The following SUGCT variants were observed in gnomAD, a reference collection of about 807,000 sequenced individuals.
SUGCT encodes the protein succinyl-CoA:glutarate CoA-transferase.
Under a neutral mutation model 55.0 loss-of-function variants are expected in SUGCT, and 41 were observed. The ratio of observed to expected loss-of-function variants is 0.74; its 90% CI spans 0.58 to 0.97. The LOEUF (loss-of-function observed/expected upper bound fraction) is 0.97, where lower values mean the gene tolerates loss of function less well. SUGCT is among the 50% of genes least tolerant of loss of function. The pLI is 0.00. For missense variants in SUGCT, 568 were observed against 547.8 expected (o/e 1.04, Z -0.37); for synonymous variants, 187 against 200.4 (o/e 0.93, Z 0.56).
Position 40,851,973 on chromosome 7 carries a change from A to G in SUGCT, c.1154-8343A>G, listed in dbSNP as rs115338645. Among the ~76,000 whole-genome samples, 235 of 152,376 alleles carry G rather than the reference A, an allele frequency of 1.5e-3. 1 individual carries two copies. The highest frequency in any genetic ancestry group is 5.4e-3 in the African/African-American group (226 of 41,588). On this transcript the variant is annotated intron_variant, in intron 13 of 13. Transcript: ENST00000335693. ...GAATAAATACAATTGCTGTGGAAAT[A>G]TGTCATTTTAGAATGAGGACATTTA...
At chr7:40,916,075 A>C in the SUGCT span, among the ~76,000 whole-genome samples, 11 of 52,164 alleles carry the variant, frequency 2.1e-4, no homozygotes, top group East Asian at 5.1e-3. Flanking sequence ...CTACATACAC[A>C]CACACACACA....
At chr7:40,678,712 G>A (rs1265970211) in intron 12 of SUGCT, among the ~76,000 whole-genome samples, 3 of 152,112 alleles carry the variant, frequency 2.0e-5, no homozygotes, top group Admixed American at 2.0e-4. Context: ...TGAGACATAA[G>A]GGCAAGGAAC....
the SUGCT span, among the ~76,000 whole-genome samples, chr7:40,937,855 T>A: frequency 3.9e-5 from 6 of 152,208 alleles, no homozygotes; most frequent in Admixed American, 2.6e-4. Flanking sequence ...ACCAGTCCTG[T>A]GGAAGACAAT....
rs75371340 is a variant in SUGCT at position 40,691,533 on chromosome 7, C to T, written c.1090-57901C>T. Among the ~76,000 whole-genome samples the T allele has an allele frequency of 4.0e-3, 614 of 152,172 alleles. 7 individuals carry two copies. The highest frequency in any genetic ancestry group is 0.014 in the African/African-American group (587 of 41,516). On this transcript the variant is annotated intron_variant, in intron 12 of 13. Transcript: ENST00000335693. The stretch of plus-strand genomic sequence containing the variant: ...AAACTTTTGATATATGTTAGATATA[C>T]GCTAGATATATCAAAAGTTTAATGG...
At chr7:40,655,886 T>C (rs539196061) in intron 12 of SUGCT, among the ~76,000 whole-genome samples, 2 of 152,200 alleles carry the variant, frequency 1.3e-5, no homozygotes, top group Non-Finnish European at 2.9e-5. Flanking sequence ...ACTGATGTTT[T>C]AGGTTGTAGG....
At chr7:40,173,687 G>C (rs1183369427) in intron 1 of SUGCT, among the ~76,000 whole-genome samples, 1 of 152,086 alleles carries the variant, frequency 6.6e-6, no homozygotes, top group African/African-American at 2.4e-5. Context: ...CGTGTTTAAA[G>C]GTGGGTGTGG....
intron 8 of SUGCT, among the ~76,000 whole-genome samples, chr7:40,311,917 T>C (rs1053667433): frequency 2.6e-5 from 4 of 152,186 alleles, no homozygotes; most frequent in Admixed American, 2.0e-4. Flanking sequence ...TTAAAATAAA[T>C]AAGTCTTACC....
At chr7:40,950,764 G>T in the SUGCT span, among the ~76,000 whole-genome samples, 1 of 152,164 alleles carries the variant, frequency 6.6e-6, no homozygotes, top group Non-Finnish European at 1.5e-5. Flanking sequence ...TACGTTTATT[G>T]ATTTGCGTAT....
the SUGCT span, among the ~76,000 whole-genome samples, chr7:40,902,252 A>G: frequency 1.3e-5 from 2 of 152,180 alleles, no homozygotes; most frequent in South Asian, 4.1e-4. Context: ...TGTGGCCAGA[A>G]TATGTTTATG....
intron 13 of SUGCT, among the ~76,000 whole-genome samples, chr7:40,820,751 C>T (rs1468273338): frequency 1.3e-5 from 2 of 152,142 alleles, no homozygotes; most frequent in Non-Finnish European, 2.9e-5. Flanking sequence ...ACTGAATACC[C>T]TTTATTTCTT....
At chr7:40,719,343 TCTC>T (rs1296359701) in intron 12 of SUGCT, among the ~76,000 whole-genome samples, 1 of 152,214 alleles carries the variant, frequency 6.6e-6, no homozygotes, top group East Asian at 1.9e-4. Context: ...ATTCTTTAAA[TCTC>T]CTGCTTTCCT....
chr7:40,222,675 T>C (rs1367407684), intron 6 of SUGCT, among the ~76,000 whole-genome samples: 1 of 152,126 alleles, frequency 6.6e-6, no homozygotes, highest in Non-Finnish European at 1.5e-5. Context: ...AACTCTATCT[T>C]TACTAAAAAT....
At chr7:40,390,513 C>T (rs1306995418) in intron 9 of SUGCT, among the ~76,000 whole-genome samples, 6 of 152,148 alleles carry the variant, frequency 3.9e-5, no homozygotes, top group Non-Finnish European at 5.9e-5. Context: ...AGAGCCAAAT[C>T]GTGAGTGAAC....
chr7:40,473,019 T>C (rs1583772290), intron 11 of SUGCT, among the ~76,000 whole-genome samples: 1 of 152,296 alleles, frequency 6.6e-6, no homozygotes, highest in East Asian at 1.9e-4. Context: ...CTTTCTTTGA[T>C]TTTTCTATGG....
chr7:40,238,408 A>G (rs755215169), intron 7 of SUGCT, among the ~76,000 whole-genome samples: 1 of 152,192 alleles, frequency 6.6e-6, no homozygotes, highest in Non-Finnish European at 1.5e-5. Flanking sequence ...GGGGAAAGCA[A>G]TATGAATGAC....
At chr7:40,287,998 T>C (rs977389865) in intron 8 of SUGCT, among the ~76,000 whole-genome samples, 11 of 152,214 alleles carry the variant, frequency 7.2e-5, no homozygotes, top group Non-Finnish European at 1.6e-4. Flanking sequence ...TTTTGTATAT[T>C]GAACCAATTT....
chr7:40,372,639 G>A (rs1784347738), intron 9 of SUGCT, among the ~76,000 whole-genome samples: 1 of 151,922 alleles, frequency 6.6e-6, no homozygotes, highest in Non-Finnish European at 1.5e-5. Context: ...TTATTAATAG[G>A]ATTAATCTTT....
chr7:40,814,462 A>C (rs969716152), intron 13 of SUGCT, among the ~76,000 whole-genome samples: 9 of 151,802 alleles, frequency 5.9e-5, no homozygotes, highest in African/African-American at 2.2e-4. Context: ...AGGCTCTGAA[A>C]TTCTTTCTTC....
chr7:40,267,555 A>T lies in SUGCT; in HGVS notation c.577-6958A>T, dbSNP rs116733628. 7.3e-3 allele frequency among the ~76,000 whole-genome samples: 1,115 copies of T among 152,250 alleles called. 12 individuals are homozygous for T. The highest frequency in any genetic ancestry group is 0.026 in the African/African-American group (1,071 of 41,550). ...TGAGTAATGAATCCCTTTACCCATG[A>T]TAGAGACAATACCACCCCATTCATC... is the stretch of plus-strand genomic sequence containing the variant. On this transcript the variant is annotated intron_variant, in intron 7 of 13. Transcript: ENST00000335693.
Sources: gnomAD v4.1 joint callset for allele counts (sites outside exome capture counted in the v4.1 genomes callset) on GRCh38, gnomAD v4.1.1 for gene constraint, MANE v1.5 for transcripts, NCBI Gene and HGNC (gene_info 2026-07-23, HGNC 2026-07-21) for gene names.